The following DUSP15 variants were observed in gnomAD, a reference collection of about 807,000 sequenced individuals.
DUSP15 encodes the protein dual specificity protein phosphatase 15.
DUSP15 carries 23 observed loss-of-function variants against 26.3 expected under a neutral mutation model. That is an observed-to-expected ratio of 0.87 (90% CI 0.63 to 1.24). The LOEUF is 1.24. Ranked by LOEUF, DUSP15 falls within the 50% of genes most tolerant of loss-of-function variation. The probability of loss-of-function intolerance (pLI) is 0.00; values close to 1 mark genes in which losing one functional copy is unlikely to be tolerated. For synonymous variants in DUSP15, 143 were observed against 135.5 expected, an observed-to-expected ratio of 1.06 and a Z score of -0.39; for missense variants, 364 against 320.6, an observed-to-expected ratio of 1.14 and a Z score of -1.03.
chr20:31,863,836 G>T (rs1231788779), intron 5 of DUSP15, 71 bp downstream of exon 5: 4 of 1,449,882 alleles, frequency 2.8e-6, no homozygotes, highest in Non-Finnish European at 3.9e-6. Flanking sequence ...TCCCACAGGG[G>T]GAGTGTGTGT....
At chr20:31,865,216 C>T (rs1348754022) in intron 3 of DUSP15, among the ~76,000 whole-genome samples, 1 of 152,150 alleles carries the variant, frequency 6.6e-6, no homozygotes, top group African/African-American at 2.4e-5. Flanking sequence ...CATGGTGTCT[C>T]CTAACCCCAT....
chr20:31,849,236 C>T (rs2062421161), intron 8 of DUSP15, among the ~76,000 whole-genome samples: 1 of 152,088 alleles, frequency 6.6e-6, no homozygotes, highest in Non-Finnish European at 1.5e-5. Context: ...AACACATGTA[C>T]CGAAGCCCTA....
intron 4 of DUSP15, chr20:31,864,195 C>T: frequency 7.4e-7 from 1 of 1,355,296 alleles, no homozygotes; most frequent in Non-Finnish European, 9.5e-7. Context: ...GTGAGAGAGA[C>T]CAGTCAGGAC....
intron 2 of DUSP15, among the ~76,000 whole-genome samples, chr20:31,867,646 T>G (rs899875581): frequency 4.0e-4 from 54 of 136,018 alleles, no homozygotes; most frequent in Admixed American, 3.7e-3. Context: ...TTTTTTTTTT[T>G]TTTTTTTTTT....
chr20:31,868,896 C>T (rs957731316), intron 2 of DUSP15, among the ~76,000 whole-genome samples: 1 of 152,222 alleles, frequency 6.6e-6, no homozygotes, highest in Non-Finnish European at 1.5e-5. Context: ...TGGGTGTCCC[C>T]TCCTCCTGAC....
At chr20:31,852,192 A>C (rs2062481345) in intron 6 of DUSP15, among the ~76,000 whole-genome samples, 1 of 151,952 alleles carries the variant, frequency 6.6e-6, no homozygotes, top group Admixed American at 6.5e-5. Flanking sequence ...TATTTTTAGT[A>C]GAGATGGAGT....
intron 3 of DUSP15, among the ~76,000 whole-genome samples, chr20:31,866,054 C>T (rs960632807): frequency 7.9e-5 from 12 of 152,166 alleles, no homozygotes; most frequent in African/African-American, 2.9e-4. Flanking sequence ...CTCTGAATGA[C>T]ATTGAAAATC....
At chr20:31,845,736 G>GGC, downstream of DUSP15, 1 of 664,360 alleles carries the variant, frequency 1.5e-6, no homozygotes, top group Non-Finnish European at 2.5e-6. Context: ...GCCCAAAAGA[G>GGC]GCGGGCAGGA....
downstream of DUSP15, among the ~76,000 whole-genome samples, chr20:31,860,404 T>C (rs1479368822): frequency 2.0e-5 from 3 of 152,254 alleles, no homozygotes; most frequent in Non-Finnish European, 4.4e-5. Context: ...CAGTGACTTC[T>C]ACTCATCCTC....
downstream of DUSP15, among the ~76,000 whole-genome samples, chr20:31,846,463 AGAGAGAGAGAGAG>A (rs1469825191): frequency 6.6e-6 from 1 of 150,898 alleles, no homozygotes; most frequent in Non-Finnish European, 1.5e-5. Flanking sequence ...AGAGAGAGAG[AGAGAGAGAGAGAG>A]GAGAGAGAGG....
downstream of DUSP15, among the ~76,000 whole-genome samples, chr20:31,860,833 T>C (rs1356577017): frequency 6.6e-6 from 1 of 151,886 alleles, no homozygotes; most frequent in South Asian, 2.1e-4. Flanking sequence ...ACTTGGGCCT[T>C]GTCAGGCGGG....
exon 8 of DUSP15, chr20:31,849,810 C>T: frequency 6.5e-7 from 1 of 1,532,424 alleles, no homozygotes; most frequent in Non-Finnish European, 8.7e-7. Context: ...CAGCGCTGGG[C>T]TGTGCGCCCG....
intron 8 of DUSP15, chr20:31,848,990 AT>A: frequency 9.1e-7 from 1 of 1,102,532 alleles, no homozygotes; most frequent in Admixed American, 2.1e-5. Flanking sequence ...TCTTGTGCTC[AT>A]TTCCCATGCC....
Position 31,867,009 on chromosome 20 carries a change from T to C in DUSP15, c.138+62A>G, listed in dbSNP as rs1362471382. ...CATAGCACCTAGCACATAGTAGATATTTGATAAACAGGTCTGCACCCTCCC... is the reference window on the plus strand; with the variant it reads ...CATAGCACCTAGCACATAGTAGATACTTGATAAACAGGTCTGCACCCTCCC... On this transcript the variant is annotated intron_variant, in intron 3 of 6. Transcript: ENST00000339738. 4 of 1,459,342 alleles carry C rather than the reference T, an allele frequency of 2.7e-6. No homozygotes were observed. In the African/African-American group the frequency reaches 4.2e-5, roughly 15 times the overall value. 90.4% of individuals were successfully genotyped at this position (1,459,342 alleles called of 1,614,324 possible).
chr20:31,845,671 AAG>A, downstream of DUSP15: 1 of 1,148,332 alleles, frequency 8.7e-7, no homozygotes. Flanking sequence ...GAAAGGCAAA[AAG>A]GGGTGGGTCT....
chr20:31,870,559 C>T (rs1242385848), upstream of DUSP15: 1 of 1,461,400 alleles, frequency 6.8e-7, no homozygotes. This position sits in a 1 kb window ranked among gnomAD's most constrained non-coding sequence, Gnocchi z 6.6. Flanking sequence ...ACCGCCGCCG[C>T]CGCAGGCTCC....
rs777341584 is a variant in DUSP15, at chr20:31,864,968, G to C, written c.173C>G (p.Thr58Ser). Reference sequence around the variant, plus strand: ...GGGAACTTACATGGGTACCTCAGGGGTATCAGCGACCGGGATGCGAAGGTA... The same window carrying C: ...GGGAACTTACATGGGTACCTCAGGGCTATCAGCGACCGGGATGCGAAGGTA... Reference protein sequence around the residue: ...ITYLRIPVADTPEVPIKKHFK... With the variant: ...ITYLRIPVADSPEVPIKKHFK... The change falls in exon 4 of 7, where the codon ACC becomes AGC. Residue 58 changes from threonine (T) to serine (S), a missense_variant. Thr to Ser is a moderately conservative substitution (Grantham distance 58, BLOSUM62 1). Coordinates refer to ENST00000339738, the MANE Select transcript of DUSP15 (RefSeq NM_080611.5). The C allele has an allele frequency of 4.5e-5, 73 of 1,614,002 alleles. No individual in the cohort carries two copies. Among genetic ancestry groups the C allele is most frequent in the Admixed American group, 8.3e-5 (5 of 59,998 alleles).
At chr20:31,855,134 A>G (rs1600446376) in intron 6 of DUSP15, among the ~76,000 whole-genome samples, 1 of 152,170 alleles carries the variant, frequency 6.6e-6, no homozygotes, top group African/African-American at 2.4e-5. Context: ...ATTTTCAATC[A>G]CCAACAAAAA....
rs775824817 is a variant in DUSP15, at chr20:31,861,497, G to T, written c.614C>A (p.Pro205His). Residue 205 changes from proline to histidine, a missense_variant, in exon 7 of 7, where the codon CCC (proline) becomes CAC (histidine). Physicochemically the swap from Pro to His is moderately conservative, Grantham distance 77. Coordinates refer to ENST00000339738, the MANE Select transcript of DUSP15 (RefSeq NM_080611.5). ...CGGCAGCGGCCGGTGGGCTTCCCGGGGCGTGCGCGGCACCAGGCGCTGCAC... is the reference window on the plus strand; with the variant it reads ...CGGCAGCGGCCGGTGGGCTTCCCGGTGCGTGCGCGGCACCAGGCGCTGCAC... ...GTVQRLVPRT[P>H]REAHRPLPLL... 4.6e-6 allele frequency: 7 copies of T among 1,532,076 alleles called. No homozygotes were observed. The East Asian group carries it at 1.5e-4, about 33-fold the overall frequency. 94.9% of individuals were successfully genotyped at this position (1,532,076 alleles called of 1,614,324 possible). A position where few individuals can be genotyped will look rare whatever the true frequency, so the allele number is the denominator to read the frequency against.
Sources: gnomAD v4.1 joint callset for allele counts (sites outside exome capture counted in the v4.1 genomes callset) on GRCh38, gnomAD v4.1.1 for gene constraint, Gnocchi (gnomAD v3.1) non-coding constraint, MANE v1.5 for transcripts, NCBI Gene and HGNC (gene_info 2026-07-23, HGNC 2026-07-21) for gene names.